Variants in KIF16B observed in about 807,000 individuals in gnomAD.
KIF16B encodes the protein kinesin family member 16B.
A neutral mutation model predicts 156.3 loss-of-function variants in KIF16B; 98 were observed. The ratio of observed to expected loss-of-function variants is 0.63; its 90% CI spans 0.53 to 0.74. KIF16B has a LOEUF of 0.74. Among genes scored for constraint, KIF16B ranks in the 30% least tolerant of loss-of-function variants. The probability of loss-of-function intolerance (pLI) is 0.00; values close to 1 mark genes in which losing one functional copy is unlikely to be tolerated. For synonymous variants in KIF16B, 564 were observed against 583.7 expected, an observed-to-expected ratio of 0.97 and a Z score of 0.49; for missense variants, 1,421 against 1,606.5, an observed-to-expected ratio of 0.88 and a Z score of 1.97.
intron 4 of KIF16B, among the ~76,000 whole-genome samples, chr20:16,514,885 C>CAAAAAAAAAAAAAAAA (rs10564862): frequency 2.3e-4 from 14 of 60,782 alleles, no homozygotes; most frequent in African/African-American, 5.3e-4. Context: ...GATTCCATCT[C>CAAAAAAAAAAAAAAAA]AAAAAAAAAA....
chr20:16,306,725 G>A (rs181678935), intron 25 of KIF16B, among the ~76,000 whole-genome samples: 68 of 152,140 alleles, frequency 4.5e-4, no homozygotes, highest in African/African-American at 1.6e-3. Flanking sequence ...TGCACCATAA[G>A]GCTCCATCAT....
Position 16,444,552 on chromosome 20 carries a change from C to T in KIF16B, c.1303-14570G>A, listed in dbSNP as rs77541052. 7.2e-3 allele frequency among the ~76,000 whole-genome samples: 1,102 copies of T among 152,212 alleles called. 19 individuals carry two copies. Among genetic ancestry groups the T allele is most frequent in the African/African-American group, 0.025 (1,055 of 41,534 alleles). ...TGGAGTACTTGCGACACAGGTGGCG[C>T]GGGCCAAGAAGAAGGAACTGATTAC... On this transcript the variant is annotated intron_variant, in intron 12 of 25. Coordinates refer to ENST00000354981, the MANE Select transcript of KIF16B (RefSeq NM_024704.5).
intron 21 of KIF16B, 73 bp downstream of exon 21, chr20:16,371,589 CAAA>C (rs111754823): frequency 4.1e-3 from 2,517 of 619,102 alleles, no homozygotes; most frequent in Non-Finnish European, 4.6e-3. Flanking sequence ...GACTCAGTCT[CAAA>C]AAAAAAAAAA....
chr20:16,454,004 G>T (rs897711015), intron 12 of KIF16B, among the ~76,000 whole-genome samples: 1 of 152,046 alleles, frequency 6.6e-6, no homozygotes, highest in Non-Finnish European at 1.5e-5. Context: ...CATCCCTTAC[G>T]ACACTGCTTA....
chr20:16,489,289 A>T (rs2068216047), intron 12 of KIF16B, among the ~76,000 whole-genome samples: 1 of 152,072 alleles, frequency 6.6e-6, no homozygotes, highest in Non-Finnish European at 1.5e-5. Context: ...TCTCTCTCCA[A>T]TCTCCACAGG....
chr20:16,372,731 C>A (rs1215974803), intron 20 of KIF16B, among the ~76,000 whole-genome samples: 1 of 152,188 alleles, frequency 6.6e-6, no homozygotes, highest in Non-Finnish European at 1.5e-5. Context: ...GAGTCTCGCT[C>A]TTGTCTCTCA....
At chr20:16,353,022 C>T (rs2064369348) in intron 23 of KIF16B, among the ~76,000 whole-genome samples, 1 of 152,186 alleles carries the variant, frequency 6.6e-6, no homozygotes, top group South Asian at 2.1e-4. Flanking sequence ...AAAACAAAAA[C>T]TGATTTTTTA....
At chr20:16,531,979 A>C (rs2147176076) in intron 1 of KIF16B, among the ~76,000 whole-genome samples, 1 of 151,824 alleles carries the variant, frequency 6.6e-6, no homozygotes, top group African/African-American at 2.4e-5. Context: ...GAGGCAAGAG[A>C]ATCGGTTGAA....
intron 10 of KIF16B, among the ~76,000 whole-genome samples, chr20:16,500,631 C>T (rs993324009): frequency 6.6e-6 from 1 of 152,062 alleles, no homozygotes; most frequent in African/African-American, 2.4e-5. Context: ...TTGTTAGTTG[C>T]ACCCTTTGTC....
chr20:16,484,428 T>C (rs2068062191), intron 12 of KIF16B, among the ~76,000 whole-genome samples: 1 of 152,208 alleles, frequency 6.6e-6, no homozygotes, highest in South Asian at 2.1e-4. Context: ...ACTTTCTTTA[T>C]TACTTTGCCT....
At chr20:16,525,737 A>G (rs10485556) in intron 3 of KIF16B, among the ~76,000 whole-genome samples, 17,618 of 152,262 alleles carry the variant, frequency 0.12, 1,327 homozygotes, top group Non-Finnish European at 0.17. Flanking sequence ...AATAGGACTC[A>G]AGGTTAAGTG....
At chr20:16,493,443 GATTCTGCCAAGAC>G (rs1329904875) in intron 12 of KIF16B, among the ~76,000 whole-genome samples, 4 of 152,192 alleles carry the variant, frequency 2.6e-5, no homozygotes, top group African/African-American at 4.8e-5. Context: ...TCCACCTTAG[GATTCTGCCAAGAC>G]ATTCTGCCAA....
intron 10 of KIF16B, 29 bp downstream of exon 10, chr20:16,504,343 A>G: frequency 6.2e-7 from 1 of 1,607,974 alleles, no homozygotes; most frequent in South Asian, 1.1e-5. Context: ...CTCAAAGAAA[A>G]TTATCCATAA....
In KIF16B at chr20:16,514,439, TCCATGAACCTC is replaced by T. The variant is rs543900463; in HGVS notation, c.348+1098_348+1108del. Among the ~76,000 whole-genome samples the T allele has an allele frequency of 3.9e-5, 6 of 152,056 alleles. No homozygotes were observed. The South Asian group carries it at 1.2e-3, about 32-fold the overall frequency. ...AAGATCTGTCTTCTAACACACGACT[TCCATGAACCTC>T]CAAACCTTCAGCATTACAGACACCA... On this transcript the variant is annotated intron_variant, in intron 4 of 25. Transcript: ENST00000354981.
chr20:16,472,804 A>G (rs1043552882), intron 12 of KIF16B, among the ~76,000 whole-genome samples: 40 of 152,280 alleles, frequency 2.6e-4, no homozygotes, highest in African/African-American at 9.6e-4. Flanking sequence ...TCTATGTGCC[A>G]CTACCATGCC....
rs2065027819 is a variant in KIF16B, at chr20:16,379,217, C to G, written c.2785G>C (p.Glu929Gln). The G allele has an allele frequency of 6.2e-7, 1 of 1,614,152 alleles. No individual in the cohort carries two copies. The highest frequency in any genetic ancestry group is 1.3e-5 in the African/African-American group (1 of 75,038). The change falls in exon 19 of 26, where the codon GAA becomes CAA. Residue 929 changes from glutamate to glutamine, a missense_variant. By Grantham distance (29) the Glu-to-Gln change is conservative. Transcript: ENST00000354981. ...TLLEEKQRAF[E>Q]ILDRGPLSLD... The stretch of plus-strand genomic sequence containing the variant: ...CTGAGAGGGCCTCTGTCAAGAATTT[C>G]AAATGCTCTCTGCTTTTCTTCCAAC...
At chr20:16,498,134 T>C (rs2068507118) in intron 10 of KIF16B, among the ~76,000 whole-genome samples, 1 of 152,200 alleles carries the variant, frequency 6.6e-6, no homozygotes, top group Non-Finnish European at 1.5e-5. Context: ...CCATATGGCA[T>C]GGCTACACGA....
At chr20:16,441,093 A>C (rs2066787709) in intron 12 of KIF16B, among the ~76,000 whole-genome samples, 1 of 152,182 alleles carries the variant, frequency 6.6e-6, no homozygotes, top group South Asian at 2.1e-4. Context: ...AGACCAAAAT[A>C]TTCAGGATGG....
intron 12 of KIF16B, among the ~76,000 whole-genome samples, chr20:16,451,559 A>C (rs567475575): frequency 2.2e-4 from 34 of 151,726 alleles, no homozygotes; most frequent in South Asian, 1.5e-3. Flanking sequence ...CCACCACCAC[A>C]ACAACAACAA....
Sources: allele counts gnomAD v4.1 joint callset (sites outside exome capture counted in the v4.1 genomes callset), GRCh38; gene constraint gnomAD v4.1.1; transcripts MANE v1.5; gene names NCBI Gene and HGNC (gene_info 2026-07-23, HGNC 2026-07-21).